DENND1B: variants seen among roughly 807,000 people sequenced by gnomAD.
The protein encoded by DENND1B is DENN domain containing 1B, also known as DENN domain-containing protein 1B.
Under a neutral mutation model 90.1 loss-of-function variants are expected in DENND1B, and 59 were observed. The observed-to-expected ratio is 0.65, with a 90% CI of 0.53 to 0.81. The LOEUF (loss-of-function observed/expected upper bound fraction) is 0.81. Among genes scored for constraint, DENND1B ranks in the 40% least tolerant of loss-of-function variants. DENND1B has a pLI of 0.00. For synonymous variants in DENND1B, 337 were observed against 324.6 expected (o/e 1.04, Z -0.41); for missense variants, 862 against 912.6 (o/e 0.94, Z 0.71).
chr1:197,529,232 ATATATATATATGTG>A (rs1224939621), intron 20 of DENND1B, among the ~76,000 whole-genome samples: 3 of 12,448 alleles, frequency 2.4e-4, no homozygotes, highest in African/African-American at 3.3e-4. Context: ...ATATATATAT[ATATATATATATGTG>A]TGTGTGTGTG....
chr1:197,587,740 G>A (rs186135948), intron 14 of DENND1B, among the ~76,000 whole-genome samples: 24 of 152,104 alleles, frequency 1.6e-4, no homozygotes, highest in African/African-American at 5.1e-4. Flanking sequence ...TAATTCAAGC[G>A]CGTTACGTTT....
At chr1:197,729,744 G>T (rs977313721) in intron 2 of DENND1B, among the ~76,000 whole-genome samples, 4 of 152,148 alleles carry the variant, frequency 2.6e-5, no homozygotes, top group Non-Finnish European at 4.4e-5. Flanking sequence ...TCTCAGGACT[G>T]ATTTATTCTC....
At chr1:197,618,251 G>A (rs1677838698) in intron 10 of DENND1B, among the ~76,000 whole-genome samples, 1 of 151,032 alleles carries the variant, frequency 6.6e-6, no homozygotes, top group African/African-American at 2.4e-5. Flanking sequence ...TAATATCAGG[G>A]GACTTGAATG....
At chr1:197,608,977 A>G (rs1676941173) in intron 12 of DENND1B, among the ~76,000 whole-genome samples, 1 of 150,476 alleles carries the variant, frequency 6.6e-6, no homozygotes, top group Non-Finnish European at 1.5e-5. Flanking sequence ...GAGTGTAACA[A>G]ATTTTTTTAA....
At chr1:197,700,900 G>C (rs1483593356) in intron 3 of DENND1B, among the ~76,000 whole-genome samples, 1 of 152,174 alleles carries the variant, frequency 6.6e-6, no homozygotes, top group Non-Finnish European at 1.5e-5. Context: ...TCTCACGACA[G>C]TCAGCATGGT....
In DENND1B at chr1:197,642,783, G is replaced by A. The variant is rs770565052; in HGVS notation, c.600C>T (p.Asn200=). The A allele has an allele frequency of 1.2e-6, 2 of 1,613,520 alleles. No individual in the cohort carries two copies. The highest frequency in any genetic ancestry group is 1.7e-6 in the Non-Finnish European group (2 of 1,179,750). ...LTEYFVAVDV[N]NMLQLYASML... ...TACTGGCATACAGCTGCAGCATGTT[G>A]TTCACATCCACGGCAACAAAATATT... is the stretch of plus-strand genomic sequence containing the variant. Residue 200 remains asparagine, a synonymous_variant, in exon 10 of 23, where the codon AAC becomes AAT. Transcript: ENST00000620048.
At chr1:197,539,774 C>T (rs372947511) in intron 20 of DENND1B, among the ~76,000 whole-genome samples, 190 bp downstream of exon 20, 3 of 152,120 alleles carry the variant, frequency 2.0e-5, no homozygotes, top group East Asian at 1.9e-4. Context: ...ATGTAGAGAC[C>T]GATATCTGAA....
At chr1:197,747,259 T>C (rs190543621) in intron 2 of DENND1B, 239 of 634,190 alleles carry the variant, frequency 3.8e-4, no homozygotes, top group Admixed American at 1.5e-3. Flanking sequence ...ACACTCTTCA[T>C]AGGCATTTAC....
At chr1:197,729,510 G>A (rs1246735844) in intron 2 of DENND1B, among the ~76,000 whole-genome samples, 2 of 152,068 alleles carry the variant, frequency 1.3e-5, no homozygotes, top group East Asian at 3.8e-4. Context: ...GAAGTGATCT[G>A]CCCTTATTTT....
At chr1:197,663,845 G>T (rs1344625194) in intron 5 of DENND1B, among the ~76,000 whole-genome samples, 1 of 151,972 alleles carries the variant, frequency 6.6e-6, no homozygotes, top group African/African-American at 2.4e-5. Flanking sequence ...TGCTCAACAG[G>T]AAATCCTACC....
intron 13 of DENND1B, among the ~76,000 whole-genome samples, chr1:197,598,298 T>G (rs914327545): frequency 6.6e-6 from 1 of 151,804 alleles, no homozygotes; most frequent in Non-Finnish European, 1.5e-5. Flanking sequence ...GGCAGCTAAG[T>G]GTTTCTACAT....
At chr1:197,580,422 C>T (rs547434246) in intron 15 of DENND1B, among the ~76,000 whole-genome samples, 28 of 151,952 alleles carry the variant, frequency 1.8e-4, no homozygotes, top group Middle Eastern at 6.8e-3. Flanking sequence ...AGTCACTGCG[C>T]CTGGCCCTTT....
chr1:197,694,093 T>A (rs1658188717), intron 3 of DENND1B, among the ~76,000 whole-genome samples: 1 of 151,386 alleles, frequency 6.6e-6, no homozygotes, highest in African/African-American at 2.4e-5. Flanking sequence ...TTAAATCGTT[T>A]ATCTATTAAT....
chr1:197,772,833 A>T, intron 2 of DENND1B, 35 bp downstream of exon 2: 1 of 1,524,280 alleles, frequency 6.6e-7, no homozygotes, highest in East Asian at 2.4e-5. Context: ...AAAAAAAGAG[A>T]CCTTGTCAAA....
intron 2 of DENND1B, among the ~76,000 whole-genome samples, chr1:197,760,203 A>G (rs1489785105): frequency 1.3e-5 from 2 of 152,202 alleles, no homozygotes; most frequent in Admixed American, 6.5e-5. Context: ...GCTTTGATCA[A>G]TATTTTGAGT....
At chr1:197,654,766 C>A (rs997809421) in intron 6 of DENND1B, among the ~76,000 whole-genome samples, 1 of 151,994 alleles carries the variant, frequency 6.6e-6, no homozygotes, top group Non-Finnish European at 1.5e-5. Context: ...CCTTTACTTG[C>A]GACCACCACC....
intron 7 of DENND1B, among the ~76,000 whole-genome samples, chr1:197,651,645 CTTTTTTTT>C (rs34012616): frequency 1.5e-4 from 9 of 61,558 alleles, no homozygotes; most frequent in South Asian, 1.4e-3. Flanking sequence ...ATCAATGCTT[CTTTTTTTT>C]TTTTTTTTTT....
chr1:197,531,077 A>C (rs1161227920), intron 20 of DENND1B, among the ~76,000 whole-genome samples: 2 of 152,172 alleles, frequency 1.3e-5, no homozygotes, highest in Non-Finnish European at 2.9e-5. Flanking sequence ...GGGCACATTT[A>C]TTAGTCTCCA....
At chr1:197,713,796 T>A (rs368693168) in intron 3 of DENND1B, among the ~76,000 whole-genome samples, 7 of 56,524 alleles carry the variant, frequency 1.2e-4, no homozygotes, top group African/African-American at 3.8e-4. Context: ...TATAATATTA[T>A]TATATTATAA....
Sources: allele counts gnomAD v4.1 joint callset (sites outside exome capture counted in the v4.1 genomes callset), GRCh38; gene constraint gnomAD v4.1.1; transcripts MANE v1.5; gene names NCBI Gene and HGNC (gene_info 2026-07-23, HGNC 2026-07-21).